SPTLC3: variants seen among roughly 807,000 people sequenced by gnomAD.
SPTLC3 encodes the protein serine palmitoyltransferase long chain base subunit 3, also known as serine palmitoyltransferase 3.
Under a neutral mutation model 59.3 loss-of-function variants are expected in SPTLC3, and 36 were observed. That is an observed-to-expected ratio of 0.61 (90% CI 0.47 to 0.80). The LOEUF is 0.80. SPTLC3 is among the 30% of genes least tolerant of loss of function. The pLI is 0.00. For missense variants in SPTLC3, 625 were observed against 685.1 expected (o/e 0.91, Z 0.98); for synonymous variants, 257 against 240.8 (o/e 1.07, Z -0.62).
At chr20:13,091,262 T>C (rs757738109) in intron 5 of SPTLC3, 55 bp downstream of exon 5, 46 of 1,585,000 alleles carry the variant, frequency 2.9e-5, no homozygotes, top group Non-Finnish European at 3.9e-5. Context: ...GAACTGTAAC[T>C]CTGAGTAGGT....
At chr20:13,117,766 C>T (rs746912686) in intron 8 of SPTLC3, 41 bp downstream of exon 8, 2 of 1,547,456 alleles carry the variant, frequency 1.3e-6, no homozygotes, top group Admixed American at 1.9e-5. Flanking sequence ...AACCTGAGCG[C>T]CCTGGGGATG....
intron 9 of SPTLC3, among the ~76,000 whole-genome samples, chr20:13,145,413 TG>T (rs2038486683): frequency 6.6e-6 from 1 of 152,070 alleles, no homozygotes; most frequent in Non-Finnish European, 1.5e-5. Context: ...TAAAATACCT[TG>T]GAATAGAGCT....
intron 6 of SPTLC3, among the ~76,000 whole-genome samples, chr20:13,097,157 G>C (rs1989445997): frequency 6.6e-6 from 1 of 152,036 alleles, no homozygotes; most frequent in Admixed American, 6.6e-5. Flanking sequence ...ATTTCTCCTT[G>C]GGAATTGCAT....
At chr20:13,034,032 A>C (rs79150045) in intron 1 of SPTLC3, among the ~76,000 whole-genome samples, 1 of 152,140 alleles carries the variant, frequency 6.6e-6, no homozygotes, top group African/African-American at 2.4e-5. Context: ...GCAGGGTGTG[A>C]AGTGAGAGCC....
intron 9 of SPTLC3, among the ~76,000 whole-genome samples, chr20:13,126,931 C>T (rs972822620): frequency 2.6e-5 from 4 of 152,218 alleles, no homozygotes; most frequent in African/African-American, 9.6e-5. Context: ...TTGTGAACAG[C>T]AAATTTCGAT....
chr20:13,043,602 C>T (rs1384208558), intron 1 of SPTLC3, among the ~76,000 whole-genome samples: 1 of 152,208 alleles, frequency 6.6e-6, no homozygotes, highest in Non-Finnish European at 1.5e-5. Context: ...GTCACATGTG[C>T]TCTTCATCCT....
intron 8 of SPTLC3, among the ~76,000 whole-genome samples, chr20:13,122,536 A>C (rs1020576479): frequency 1.3e-5 from 2 of 152,192 alleles, no homozygotes; most frequent in African/African-American, 4.8e-5. Context: ...TTAGGTCCAA[A>C]TCCTTGTTCT....
intron 1 of SPTLC3, among the ~76,000 whole-genome samples, chr20:13,011,907 A>T (rs1053102634): frequency 6.6e-6 from 1 of 152,128 alleles, no homozygotes; most frequent in Non-Finnish European, 1.5e-5. Context: ...GCATATCCAC[A>T]CTACAGACAG....
rs746044374 is a variant in SPTLC3 at position 13,110,072 on chromosome 20, C to T, written c.827-40C>T. On this transcript the variant is annotated intron_variant, in intron 6 of 11. Transcript: ENST00000399002. ...AGAAAGTGGAAAAGGAAAAGTAAAC[C>T]CTTTCATGACTCAATTTTTTTTTTT... The T allele has an allele frequency of 2.6e-6, 4 of 1,523,840 alleles. No individual in the cohort carries two copies. The Admixed American group carries it at 5.9e-5, about 23-fold the overall frequency. The allele number at this position is 1,523,840 out of a possible 1,614,324, so 94.4% of individuals were successfully genotyped here.
intron 6 of SPTLC3, among the ~76,000 whole-genome samples, chr20:13,100,320 G>A (rs1043271798): frequency 1.3e-5 from 2 of 152,062 alleles, no homozygotes; most frequent in Non-Finnish European, 2.9e-5. Flanking sequence ...GAATACCTGA[G>A]AAGACTAAAT....
chr20:13,050,447 C>T (rs944997946), intron 2 of SPTLC3: 2 of 152,006 alleles, frequency 1.3e-5, no homozygotes, highest in Non-Finnish European at 1.5e-5. Flanking sequence ...GTTAAACAAC[C>T]AAACCTAAGA....
At chr20:13,107,981 T>C (rs780445421) in intron 6 of SPTLC3, among the ~76,000 whole-genome samples, 40 of 152,208 alleles carry the variant, frequency 2.6e-4, no homozygotes, top group Non-Finnish European at 5.3e-4. Context: ...GGAAGTCAAA[T>C]AGTGTATTAA....
chr20:13,059,883 C>T (rs1342434059), intron 2 of SPTLC3, among the ~76,000 whole-genome samples: 1 of 152,110 alleles, frequency 6.6e-6, no homozygotes, highest in Non-Finnish European at 1.5e-5. Context: ...TTGATACCCA[C>T]CCCCATGCTG....
At chr20:13,087,771 C>T (rs1342666111) in intron 4 of SPTLC3, among the ~76,000 whole-genome samples, 3 of 152,154 alleles carry the variant, frequency 2.0e-5, no homozygotes, top group Non-Finnish European at 2.9e-5. Flanking sequence ...TCTTTCTGTA[C>T]TAGAGAAGAT....
chr20:13,065,729 T>C (rs772548677), intron 2 of SPTLC3, among the ~76,000 whole-genome samples: 1 of 152,034 alleles, frequency 6.6e-6, no homozygotes, highest in Non-Finnish European at 1.5e-5. Flanking sequence ...TTAGTACAGT[T>C]GTTTTTCTTT....
intron 1 of SPTLC3, among the ~76,000 whole-genome samples, chr20:13,020,659 T>A (rs1286524766): frequency 1.3e-5 from 2 of 152,210 alleles, no homozygotes; most frequent in Non-Finnish European, 1.5e-5. Context: ...AAGATGTTTA[T>A]GTGGTAGCTT....
At chr20:13,152,727 A>T (rs2038677165) in intron 9 of SPTLC3, among the ~76,000 whole-genome samples, 1 of 152,192 alleles carries the variant, frequency 6.6e-6, no homozygotes, top group Non-Finnish European at 1.5e-5. Context: ...ACCACCTTGT[A>T]GAAAAGAGGA....
At chr20:13,034,863 T>C (rs543197350) in intron 1 of SPTLC3, among the ~76,000 whole-genome samples, 3 of 151,808 alleles carry the variant, frequency 2.0e-5, no homozygotes, top group African/African-American at 4.8e-5. Flanking sequence ...ACCTGCAGAG[T>C]TGAGGAGTCA....
intron 1 of SPTLC3, among the ~76,000 whole-genome samples, chr20:13,035,417 G>A (rs1986690145): frequency 6.6e-6 from 1 of 152,094 alleles, no homozygotes; most frequent in African/African-American, 2.4e-5. Context: ...ACTTGGTTCT[G>A]CTAAATAGGA....
Sources: allele counts gnomAD v4.1 joint callset (sites outside exome capture counted in the v4.1 genomes callset), GRCh38; gene constraint gnomAD v4.1.1; transcripts MANE v1.5; gene names NCBI Gene and HGNC (gene_info 2026-07-23, HGNC 2026-07-21).